Variants in DPP6 observed in about 807,000 individuals in gnomAD.
DPP6 encodes dipeptidyl peptidase like 6.
Under a neutral mutation model 122.6 loss-of-function variants are expected in DPP6, and 69 were observed. That is an observed-to-expected ratio of 0.56 (90% CI 0.46 to 0.69). The LOEUF is 0.69. Ranked by LOEUF, DPP6 falls within the 30% of genes least tolerant of loss-of-function variation. The pLI is 0.00. For synonymous variants in DPP6, 418 were observed against 433.1 expected, an observed-to-expected ratio of 0.97 and a Z score of 0.43; for missense variants, 928 against 1,116.9, an observed-to-expected ratio of 0.83 and a Z score of 2.41.
At chr7:154,887,544 A>G in intron 22 of DPP6, 132 bp from the exon 23 acceptor site, 1 of 869,986 alleles carries the variant, frequency 1.1e-6, no homozygotes, top group East Asian at 2.4e-5. Flanking sequence ...ACAATCTGCC[A>G]CACAAGTGGC....
At chr7:154,309,385 G>T (rs1419757462) in intron 1 of DPP6, among the ~76,000 whole-genome samples, 1 of 151,950 alleles carries the variant, frequency 6.6e-6, no homozygotes, top group Non-Finnish European at 1.5e-5. Flanking sequence ...CTTAAATTTG[G>T]TGTCTGAACA....
chr7:153,879,121 G>A, the DPP6 span, among the ~76,000 whole-genome samples: 3 of 152,186 alleles, frequency 2.0e-5, no homozygotes, highest in Non-Finnish European at 4.4e-5. Flanking sequence ...AGAGTGTGGT[G>A]ATGTGATGAG....
chr7:154,834,539 A>G (rs1276742415), intron 16 of DPP6, among the ~76,000 whole-genome samples: 1 of 152,164 alleles, frequency 6.6e-6, no homozygotes. Context: ...TCGCTCTAAT[A>G]ATGGCCAAGA....
intron 1 of DPP6, among the ~76,000 whole-genome samples, chr7:154,436,291 C>T (rs1055076721): frequency 6.6e-6 from 1 of 151,556 alleles, no homozygotes; most frequent in Non-Finnish European, 1.5e-5. Context: ...ACAACCGCTC[C>T]ATTGCATGGG....
chr7:153,858,319 C>A, the DPP6 span, among the ~76,000 whole-genome samples: 28,837 of 152,112 alleles, frequency 0.19, 2,817 homozygotes, highest in South Asian at 0.26. Flanking sequence ...GATTCAATCA[C>A]CCAGGGGATT....
intron 10 of DPP6, among the ~76,000 whole-genome samples, chr7:154,778,950 AGCT>A (rs1416562284): frequency 8.6e-6 from 1 of 116,358 alleles, no homozygotes; most frequent in African/African-American, 3.1e-5. Context: ...TTCCACCACC[AGCT>A]CTACCATCAC....
chr7:154,073,360 C>T (rs1465298960), intron 1 of DPP6, among the ~76,000 whole-genome samples: 1 of 152,230 alleles, frequency 6.6e-6, no homozygotes, highest in Non-Finnish European at 1.5e-5. Context: ...TAAATCTGTG[C>T]TCTCTACCAA....
intron 1 of DPP6, among the ~76,000 whole-genome samples, chr7:154,325,887 T>A (rs1808401915): frequency 6.6e-6 from 1 of 152,136 alleles, no homozygotes; most frequent in African/African-American, 2.4e-5. Flanking sequence ...ATGTCTTACT[T>A]TTTTGGAGGT....
chr7:154,277,418 G>C (rs535082872), intron 1 of DPP6, among the ~76,000 whole-genome samples: 1 of 152,246 alleles, frequency 6.6e-6, no homozygotes, highest in Admixed American at 6.5e-5. Context: ...ACAAATAGAA[G>C]GAACAATTAG....
intron 3 of DPP6, among the ~76,000 whole-genome samples, chr7:154,476,395 G>A (rs537721504): frequency 4.0e-4 from 61 of 152,306 alleles, no homozygotes; most frequent in Admixed American, 3.7e-3. Context: ...GTTCGTGTTC[G>A]TGTTCACTGT....
At chr7:154,284,657 C>T (rs1230856224) in intron 1 of DPP6, among the ~76,000 whole-genome samples, 1 of 152,194 alleles carries the variant, frequency 6.6e-6, no homozygotes, top group East Asian at 1.9e-4. Flanking sequence ...GAGTTCAAGA[C>T]CAGCCTGACC....
At chr7:153,969,570 T>C (rs1004507538) in intron 1 of DPP6, among the ~76,000 whole-genome samples, 1 of 148,146 alleles carries the variant, frequency 6.8e-6, no homozygotes, top group Non-Finnish European at 1.5e-5. Context: ...TAAGTCAGGA[T>C]ACCTTGGTGA....
intron 8 of DPP6, among the ~76,000 whole-genome samples, chr7:154,739,060 A>C (rs1842700422): frequency 6.6e-6 from 1 of 152,174 alleles, no homozygotes; most frequent in Non-Finnish European, 1.5e-5. Flanking sequence ...CATCGCAGCC[A>C]CACTAGTGGA....
At chr7:153,858,622 A>G in the DPP6 span, among the ~76,000 whole-genome samples, 1 of 152,212 alleles carries the variant, frequency 6.6e-6, no homozygotes, top group Non-Finnish European at 1.5e-5. Context: ...GCTGATTCAC[A>G]AGTATGTTTT....
chr7:154,374,017 C>T (rs1812899689), intron 1 of DPP6, among the ~76,000 whole-genome samples: 1 of 152,152 alleles, frequency 6.6e-6, no homozygotes, highest in South Asian at 2.1e-4. Context: ...AAACTGATTG[C>T]CTTATAAGCC....
intron 1 of DPP6, among the ~76,000 whole-genome samples, chr7:154,164,061 G>A (rs371484810): frequency 4.0e-5 from 6 of 151,420 alleles, no homozygotes; most frequent in Non-Finnish European, 7.4e-5. Flanking sequence ...GCCTGGCCCC[G>A]CCAAACCTCT....
At chr7:154,660,432 C>T (rs1837568926) in intron 6 of DPP6, among the ~76,000 whole-genome samples, 1 of 149,778 alleles carries the variant, frequency 6.7e-6, no homozygotes, top group Non-Finnish European at 1.5e-5. Context: ...GGTGAATCAC[C>T]ATGGCGTATT....
At chr7:154,638,570 T>C (rs150807011) in intron 6 of DPP6, among the ~76,000 whole-genome samples, 153 of 152,276 alleles carry the variant, frequency 1.0e-3, no homozygotes, top group African/African-American at 3.3e-3. Context: ...ATCTGGTCTC[T>C]CAATAATGTA....
chr7:154,731,925 G>T (rs1842357688), intron 8 of DPP6, among the ~76,000 whole-genome samples: 1 of 152,198 alleles, frequency 6.6e-6, no homozygotes, highest in Non-Finnish European at 1.5e-5. Context: ...AGGCATATGG[G>T]CAAAGAGTTG....
Sources: gnomAD v4.1 joint callset for allele counts (sites outside exome capture counted in the v4.1 genomes callset) on GRCh38, gnomAD v4.1.1 for gene constraint, MANE v1.5 for transcripts, NCBI Gene and HGNC (gene_info 2026-07-23, HGNC 2026-07-21) for gene names.